The following LRP1B variants were observed in gnomAD, a reference collection of about 807,000 sequenced individuals.
LRP1B encodes the protein low-density lipoprotein receptor-related protein 1B.
LRP1B carries 217 observed loss-of-function variants against 556.6 expected under a neutral mutation model. That is an observed-to-expected ratio of 0.39 (90% CI 0.35 to 0.44). The LOEUF is 0.44. Among genes scored for constraint, LRP1B ranks in the 20% least tolerant of loss-of-function variants. The probability of loss-of-function intolerance (pLI) is 1.00; values close to 1 mark genes in which losing one functional copy is unlikely to be tolerated. For missense variants in LRP1B, 5,053 were observed against 5,620.8 expected, an observed-to-expected ratio of 0.90 and a Z score of 3.23; for synonymous variants, 2,047 against 1,865.8, an observed-to-expected ratio of 1.10 and a Z score of -2.50.
rs138943295 is a variant in LRP1B at position 141,660,313 on chromosome 2, A to C, written c.205+149966T>G. Among the ~76,000 whole-genome samples, 1,169 of 152,222 alleles carry C rather than the reference A, an allele frequency of 7.7e-3. 8 individuals carry two copies. Among genetic ancestry groups the C allele is most frequent in the Non-Finnish European group, 0.01 (707 of 68,006 alleles). Reference sequence around the variant, plus strand: ...CCATGCTTTTTCCATGGATTTGTGCAACCCGTGGAGCAGATCTCCTCATGA... The same window carrying C: ...CCATGCTTTTTCCATGGATTTGTGCCACCCGTGGAGCAGATCTCCTCATGA... On this transcript the variant is annotated intron_variant, in intron 2 of 90. Coordinates refer to ENST00000389484, the MANE Select transcript of LRP1B (RefSeq NM_018557.3).
At chr2:141,389,586 C>T (rs189895171) in intron 3 of LRP1B, among the ~76,000 whole-genome samples, 62 of 151,474 alleles carry the variant, frequency 4.1e-4, no homozygotes, top group African/African-American at 1.2e-3. Flanking sequence ...CGAGAACAAA[C>T]GCACGAGGAG....
intron 3 of LRP1B, among the ~76,000 whole-genome samples, chr2:141,478,704 C>T (rs1307613905): frequency 2.0e-5 from 3 of 151,880 alleles, no homozygotes; most frequent in Non-Finnish European, 2.9e-5. Context: ...CCACCACAGC[C>T]GGCTAATTTT....
intron 3 of LRP1B, among the ~76,000 whole-genome samples, chr2:141,386,431 C>A (rs1312723836): frequency 6.6e-6 from 1 of 151,976 alleles, no homozygotes; most frequent in Non-Finnish European, 1.5e-5. Context: ...GCAGAATATG[C>A]TTTTTAAAAA....
chr2:141,648,115 G>C (rs1358865853), intron 2 of LRP1B, among the ~76,000 whole-genome samples: 5 of 151,996 alleles, frequency 3.3e-5, no homozygotes, highest in African/African-American at 1.2e-4. Context: ...TGTGGAGCAG[G>C]AGCTTCTAAA....
At chr2:142,044,805 A>G (rs533080157) in intron 1 of LRP1B, among the ~76,000 whole-genome samples, 28 of 151,832 alleles carry the variant, frequency 1.8e-4, no homozygotes, top group African/African-American at 6.3e-4. Flanking sequence ...ACGGTTAACA[A>G]AAAAGGAAAG....
At chr2:140,297,725 A>C in intron 84 of LRP1B, 83 bp downstream of exon 84, 1 of 1,423,092 alleles carries the variant, frequency 7.0e-7, no homozygotes, top group Admixed American at 2.1e-5. Flanking sequence ...GGCTAAAATT[A>C]AGATAATGGA....
chr2:141,882,733 G>T (rs528109470), intron 1 of LRP1B, among the ~76,000 whole-genome samples: 1 of 152,228 alleles, frequency 6.6e-6, no homozygotes, highest in East Asian at 1.9e-4. Flanking sequence ...ATAATAGTTA[G>T]GTCTTGCTCT....
intron 3 of LRP1B, among the ~76,000 whole-genome samples, chr2:141,453,914 AAAAAAAAAAAAG>A (rs1681526284): frequency 7.1e-6 from 1 of 141,388 alleles, no homozygotes; most frequent in Middle Eastern, 3.6e-3. Context: ...CTCTGTCTCA[AAAAAAAAAAAAG>A]AAAAAAAAAA....
intron 1 of LRP1B, among the ~76,000 whole-genome samples, chr2:141,827,861 T>C (rs1197749966): frequency 6.6e-6 from 1 of 152,082 alleles, no homozygotes; most frequent in African/African-American, 2.4e-5. Flanking sequence ...CATATCTATA[T>C]ATACACCTAT....
At chr2:140,964,003 C>G (rs919909295) in intron 18 of LRP1B, among the ~76,000 whole-genome samples, 1 of 151,988 alleles carries the variant, frequency 6.6e-6, no homozygotes, top group Non-Finnish European at 1.5e-5. Flanking sequence ...GTAGTGGCCC[C>G]GAATGTCGGG....
intron 59 of LRP1B, among the ~76,000 whole-genome samples, chr2:140,479,671 A>C (rs2105354021): frequency 6.6e-6 from 1 of 152,272 alleles, no homozygotes; most frequent in African/African-American, 2.4e-5. Flanking sequence ...ATTATCTCTG[A>C]CTTTGAATTA....
chr2:140,880,447 A>G (rs940176256), intron 25 of LRP1B, among the ~76,000 whole-genome samples: 1 of 152,130 alleles, frequency 6.6e-6, no homozygotes, highest in Admixed American at 6.6e-5. Context: ...TCAATTTACC[A>G]TCTTGGAATA....
At chr2:141,321,273 A>AAAAC (rs1173702923) in intron 3 of LRP1B, among the ~76,000 whole-genome samples, 5 of 152,122 alleles carry the variant, frequency 3.3e-5, no homozygotes, top group South Asian at 2.1e-4. Context: ...TAAATTATTA[A>AAAAC]AAACAAACAA....
At chr2:140,608,508 C>T (rs1219164810) in intron 41 of LRP1B, among the ~76,000 whole-genome samples, 3 of 152,194 alleles carry the variant, frequency 2.0e-5, no homozygotes, top group African/African-American at 7.2e-5. Flanking sequence ...ACAATATTAT[C>T]TTACTCTTTC....
intron 43 of LRP1B, among the ~76,000 whole-genome samples, chr2:140,548,674 G>A (rs1177029051): frequency 6.6e-6 from 1 of 152,004 alleles, no homozygotes; most frequent in African/African-American, 2.4e-5. Context: ...TGTAATCCAA[G>A]CATTTTAGGA....
chr2:141,562,007 T>C (rs763064229), intron 2 of LRP1B, among the ~76,000 whole-genome samples: 10 of 151,934 alleles, frequency 6.6e-5, no homozygotes, highest in Non-Finnish European at 1.0e-4. Flanking sequence ...ACAAGGGTTA[T>C]ACAGAATAGA....
chr2:141,531,576 C>T (rs1186514418), intron 2 of LRP1B, among the ~76,000 whole-genome samples: 2 of 152,032 alleles, frequency 1.3e-5, no homozygotes. Flanking sequence ...CAACAATAAA[C>T]CATTTCTCAG....
intron 86 of LRP1B, among the ~76,000 whole-genome samples, chr2:140,253,976 A>T (rs1370355500): frequency 6.6e-6 from 1 of 152,116 alleles, no homozygotes; most frequent in Admixed American, 6.6e-5. Context: ...CATGGGGGGA[A>T]ATCTCAATGC....
chr2:141,807,493 TATG>T (rs1324091207), intron 2 of LRP1B, among the ~76,000 whole-genome samples: 2 of 152,078 alleles, frequency 1.3e-5, no homozygotes, highest in African/African-American at 4.8e-5. Flanking sequence ...GAGGATAAAA[TATG>T]AATGGCCAAA....
Sources: allele counts gnomAD v4.1 joint callset (sites outside exome capture counted in the v4.1 genomes callset), GRCh38; gene constraint gnomAD v4.1.1; transcripts MANE v1.5; gene names NCBI Gene and HGNC (gene_info 2026-07-23, HGNC 2026-07-21).